Variants in MSH6 observed in about 807,000 individuals in gnomAD.
The protein encoded by MSH6 is DNA mismatch repair protein Msh6.
Under a neutral mutation model 119.1 loss-of-function variants are expected in MSH6, and 85 were observed. The observed-to-expected ratio is 0.71, with a 90% CI of 0.60 to 0.85. The LOEUF is 0.85. Among genes scored for constraint, MSH6 ranks in the 40% least tolerant of loss-of-function variants. The pLI is 0.00. For synonymous variants in MSH6, 830 were observed against 586.9 expected, an observed-to-expected ratio of 1.41 and a Z score of -5.99; for missense variants, 2,163 against 1,655.3, an observed-to-expected ratio of 1.31 and a Z score of -5.32.
chr2:47,795,786 A>G, intron 2 of MSH6, 108 bp from the exon 3 acceptor site: 1 of 921,850 alleles, frequency 1.1e-6, no homozygotes, highest in East Asian at 2.6e-5. Flanking sequence ...ATATTTTAAG[A>G]TAGAGATGGG....
chr2:47,809,087 G>GCT, downstream of MSH6: 1 of 937,098 alleles, frequency 1.1e-6, no homozygotes, highest in Non-Finnish European at 1.7e-6. Flanking sequence ...AGCCAAAAAT[G>GCT]CTAGGCATTG....
chr2:47,804,894 C>T lies in MSH6; in HGVS notation c.3439-16C>T, dbSNP rs192614006. 6,150 of 1,593,988 alleles carry T rather than the reference C, an allele frequency of 3.9e-3. 21 individuals are homozygous for T. Among genetic ancestry groups the T allele is most frequent in the Non-Finnish European group, 5.0e-3 (5,783 of 1,161,604 alleles). On this transcript the variant is annotated splice_polypyrimidine_tract_variant and intron_variant, in intron 5 of 9. Transcript: ENST00000234420. ...TACTACCAGTCATAAAAGACCTTTT[C>T]CTCCCTCATTCACAGGCTGGCTTAT...
Position 47,798,680 on chromosome 2 carries a change from C to G in MSH6, c.697C>G (p.Pro233Ala), listed in dbSNP as rs2104291771. The stretch of plus-strand genomic sequence containing the variant: ...AATTGAGAGTGAAGAGGAAGTACAG[C>G]CTAAGACACAAGGATCTAGGCGAAG... ...NEIESEEEVQ[P>A]KTQGSRRSSR... Residue 233 changes from proline (P) to alanine (A), a missense_variant, in exon 4 of 10, where the codon CCT becomes GCT. Physicochemically the swap from Pro to Ala is conservative, Grantham distance 27. Transcript: ENST00000234420. The G allele has an allele frequency of 6.2e-7, 1 of 1,613,748 alleles. No homozygotes were observed. The highest frequency in any genetic ancestry group is 1.1e-5 in the South Asian group (1 of 91,076).
chr2:47,806,705 AACAG>A (rs1400006676), intron 9 of MSH6, 54 bp downstream of exon 9: 2 of 1,586,628 alleles, frequency 1.3e-6, no homozygotes, highest in Non-Finnish European at 1.7e-6. Flanking sequence ...GTTTCAAAGA[AACAG>A]TAAAAGGGGA....
chr2:47,800,156 A>T lies in MSH6; in HGVS notation c.2173A>T (p.Ile725Phe). 1.2e-6 allele frequency: 2 copies of T among 1,614,216 alleles called. No homozygotes were observed. Among genetic ancestry groups the T allele is most frequent in the Non-Finnish European group, 1.7e-6 (2 of 1,180,036 alleles). Residue 725 changes from isoleucine (I) to phenylalanine (F), a missense_variant, in exon 4 of 10, where the codon ATC (isoleucine) becomes TTC (phenylalanine). By Grantham distance (21) the Ile-to-Phe change is conservative. Transcript: ENST00000234420. Reference sequence around the variant, plus strand: ...AGTCAGCACTACAAGATCTGGTGCTATCTTCACCAAAGCCTATCAACGAAT... The same window carrying T: ...AGTCAGCACTACAAGATCTGGTGCTTTCTTCACCAAAGCCTATCAACGAAT... ...DTVSTTRSGA[I>F]FTKAYQRMVL... is the part of the protein sequence containing the mutation.
chr2:47,789,273 G>C (rs1400956202), intron 1 of MSH6: 1 of 340,992 alleles, frequency 2.9e-6, no homozygotes, highest in Non-Finnish European at 5.9e-6. Flanking sequence ...GATTCTGTAA[G>C]TGTAATGGTA....
intron 4 of MSH6, among the ~76,000 whole-genome samples, chr2:47,803,149 C>A (rs1669707997): frequency 6.6e-6 from 1 of 152,094 alleles, no homozygotes; most frequent in Non-Finnish European, 1.5e-5. Flanking sequence ...AACTGCTGAC[C>A]TCGTGAACTC....
intron 1 of MSH6, 70 bp downstream of exon 1, chr2:47,783,563 G>A (rs1352881698): frequency 4.4e-6 from 6 of 1,363,148 alleles, no homozygotes; most frequent in Non-Finnish European, 5.7e-6. Context: ...GCGAGGGGAG[G>A]CTCGCACAGG....
chr2:47,801,038 A>G lies in MSH6; in HGVS notation c.3055A>G (p.Ile1019Val), dbSNP rs1438943270. ...TATTGAAAAGAAGTTGGCTAATCTC[A>G]TAAATGCTGAAGAACGGAGGGATGT... is the stretch of plus-strand genomic sequence containing the variant. Reference protein sequence around the residue: ...KTIEKKLANLINAEERRDVSL... With the variant: ...KTIEKKLANLVNAEERRDVSL... The change falls in exon 4 of 10, where the codon ATA becomes GTA. Residue 1019 changes from isoleucine to valine, a missense_variant. Physicochemically the swap from Ile to Val is conservative, Grantham distance 29. Coordinates refer to ENST00000234420, the MANE Select transcript of MSH6 (RefSeq NM_000179.3). The G allele has an allele frequency of 1.9e-6, 3 of 1,586,744 alleles. No homozygotes were observed. The South Asian group carries it at 3.4e-5, about 18-fold the overall frequency.
rs59056100 is a variant in MSH6 at position 47,806,751 on chromosome 2, C to CTT, written c.4002-11_4002-10dup. On this transcript the variant is annotated intron_variant, in intron 9 of 9. Transcript: ENST00000234420. ...GATGCACTATGAAAAAACAAAAAAA[C>CTT]TTTTTTTTTTTTTTTTTTAATTTTA... is the stretch of plus-strand genomic sequence containing the variant. 2.3e-3 allele frequency: 3,346 copies of CTT among 1,440,668 alleles called. 2 individuals carry two copies. The highest frequency in any genetic ancestry group is 6.1e-3 in the African/African-American group (401 of 65,802). The allele number at this position is 1,440,668 out of a possible 1,614,324, so 89.2% of individuals were successfully genotyped here.
chr2:47,808,280 G>C (rs754185482), downstream of MSH6: 8 of 1,612,706 alleles, frequency 5.0e-6, no homozygotes, highest in South Asian at 7.7e-5. Flanking sequence ...TATTAGAAAA[G>C]TGAGGGGGAA....
Position 47,806,637 on chromosome 2 carries a change from A to G in MSH6, c.3987A>G (p.Ser1329=), listed in dbSNP as rs1306342101. The change falls in exon 9 of 10, where the codon TCA becomes TCG. Residue 1329 remains serine, a synonymous_variant. Coordinates refer to ENST00000234420, the MANE Select transcript of MSH6 (RefSeq NM_000179.3). ...KAREFEKMNQ[S]LRLFREVCLA... ...GAGAATTTGAGAAGATGAATCAGTC[A>G]CTACGATTATTTCGGTAACTAACTA... 6.2e-7 allele frequency: 1 copy of G among 1,610,700 alleles called. No homozygotes were observed. Among genetic ancestry groups the G allele is most frequent in the Non-Finnish European group, 8.5e-7 (1 of 1,179,168 alleles).
At chr2:47,787,790 T>G (rs545344766) in intron 1 of MSH6, among the ~76,000 whole-genome samples, 1 of 152,240 alleles carries the variant, frequency 6.6e-6, no homozygotes, top group South Asian at 2.1e-4. Flanking sequence ...GGCTAATTTT[T>G]AAATTTTTTT....
chr2:47,806,722 G>C (rs2104572679), intron 9 of MSH6, 57 bp from the exon 10 acceptor site: 1 of 1,567,836 alleles, frequency 6.4e-7, no homozygotes, highest in Non-Finnish European at 8.7e-7. Flanking sequence ...AAAGGGGAAG[G>C]GATGATGCAC....
rs1558661892 is a variant in MSH6 at position 47,799,483 on chromosome 2, A to T, written c.1500A>T (p.Ala500=). The change falls in exon 4 of 10, where the codon GCA becomes GCT. Residue 500 remains alanine (A), a synonymous_variant. Transcript: ENST00000234420. ...TGGAGGCACGATGTAGAAAGATGGC[A>T]CATATATCCAAGTATGATAGAGTGG... The part of the protein sequence containing the change: ...EMMEARCRKM[A]HISKYDRVVR... 1.9e-6 allele frequency: 3 copies of T among 1,614,190 alleles called. No individual in the cohort carries two copies. Among genetic ancestry groups the T allele is most frequent in the Non-Finnish European group, 2.5e-6 (3 of 1,180,034 alleles).
intron 2 of MSH6, among the ~76,000 whole-genome samples, chr2:47,794,603 T>C (rs919941224): frequency 6.6e-6 from 1 of 151,920 alleles, no homozygotes. Context: ...ACGAACTGTT[T>C]TGAGAAATAA....
chr2:47,784,765 T>A (rs547694242), intron 1 of MSH6: 2 of 150,994 alleles, frequency 1.3e-5, no homozygotes, highest in African/African-American at 4.9e-5. Context: ...CCGGTCTGTT[T>A]AGGGCTTTTT....
chr2:47,800,275 T>A lies in MSH6; in HGVS notation c.2292T>A (p.Thr764=), dbSNP rs1553413668. 6.2e-7 allele frequency: 1 copy of A among 1,614,196 alleles called. No homozygotes were observed. The highest frequency in any genetic ancestry group is 1.3e-5 in the African/African-American group (1 of 75,058). Residue 764 remains threonine, a synonymous_variant, in exon 4 of 10, where the codon ACT becomes ACA. Transcript: ENST00000234420. Reference sequence around the variant, plus strand: ...GAACCCTACTAGAGAGGGTTGATACTTGCCATACTCCTTTTGGTAAGCGGC... The same window carrying A: ...GAACCCTACTAGAGAGGGTTGATACATGCCATACTCCTTTTGGTAAGCGGC... ...TEGTLLERVD[T]CHTPFGKRLL...
intron 3 of MSH6, among the ~76,000 whole-genome samples, chr2:47,797,144 G>A (rs1669146510): frequency 6.6e-6 from 1 of 152,134 alleles, no homozygotes; most frequent in South Asian, 2.1e-4. Flanking sequence ...GCTATCATTA[G>A]CATTAGTGTA....
Sources: allele counts gnomAD v4.1 joint callset (sites outside exome capture counted in the v4.1 genomes callset), GRCh38; gene constraint gnomAD v4.1.1; transcripts MANE v1.5; gene names NCBI Gene and HGNC (gene_info 2026-07-23, HGNC 2026-07-21).